F10: variants seen among roughly 807,000 people sequenced by gnomAD.
The protein encoded by F10 is coagulation factor X, also known as Stuart-Prower factor.
Under a neutral mutation model 37.1 loss-of-function variants are expected in F10, and 29 were observed. The observed-to-expected ratio is 0.78, with a 90% CI of 0.58 to 1.07. The LOEUF is 1.07. Among genes scored for constraint, F10 ranks in the 50% least tolerant of loss-of-function variants. The pLI, the probability that F10 is intolerant of heterozygous loss-of-function variation, is 0.00. For synonymous variants in F10, 262 were observed against 268.6 expected (o/e 0.98, Z 0.24); for missense variants, 539 against 667.9 (o/e 0.81, Z 2.13).
chr13:113,137,593 C>A (rs1432347004), intron 2 of F10, among the ~76,000 whole-genome samples: 1 of 152,160 alleles, frequency 6.6e-6, no homozygotes, highest in Non-Finnish European at 1.5e-5. Context: ...TTTATTGTCG[C>A]AGCTTTGGAG....
In F10 at chr13:113,147,492, G is replaced by A. The variant is rs774279259; in HGVS notation, c.861G>A (p.Arg287=). 6.2e-7 allele frequency: 1 copy of A among 1,608,730 alleles called. No individual in the cohort carries two copies. The highest frequency in any genetic ancestry group is 8.5e-7 in the Non-Finnish European group (1 of 1,175,048). ...CLYQAKRFKV[R]VGDRNTEQEE... ...ACCAAGCCAAGAGATTCAAGGTGAG[G>A]GTAGGTAAGTGACCAACAGCCCCCA... The change falls in exon 7 of 8, where the codon AGG becomes AGA. Residue 287 remains arginine, a synonymous_variant. Transcript: ENST00000375559.
At chr13:113,127,227 T>A (rs1006052075) in intron 1 of F10, among the ~76,000 whole-genome samples, 7 of 152,156 alleles carry the variant, frequency 4.6e-5, no homozygotes, top group Non-Finnish European at 1.0e-4. Flanking sequence ...GACTAAGGTG[T>A]TTTTGAAGCT....
At position 113,136,637 on chromosome 13, in the gene F10, T is replaced by TAGTAGAGATGGGG. The variant is rs1566918009; in HGVS notation, c.232-1820_232-1819insAGTAGAGATGGGG. On this transcript the variant is annotated intron_variant, in intron 2 of 7. Coordinates refer to ENST00000375559, the MANE Select transcript of F10 (RefSeq NM_000504.4). ...CATGGCAGGCTAATTCTTGTACTTT[T>TAGTAGAGATGGGG]TTTTTTTTTTTTTTTTTTTTTTTTT... is the stretch of plus-strand genomic sequence containing the variant. 5.9e-3 allele frequency among the ~76,000 whole-genome samples: 59 copies of TAGTAGAGATGGGG among 9,948 alleles called. 1 individual carries two copies. Among genetic ancestry groups the TAGTAGAGATGGGG allele is most frequent in the East Asian group, 0.016 (3 of 186 alleles). 6.5% of individuals were successfully genotyped at this position (9,948 alleles called of 152,430 possible).
chr13:113,133,386 T>C (rs557243108), intron 2 of F10, among the ~76,000 whole-genome samples: 1 of 152,334 alleles, frequency 6.6e-6, no homozygotes, highest in South Asian at 2.1e-4. Flanking sequence ...AAACTGTAGA[T>C]GTTAAATGTA....
Position 113,141,118 on chromosome 13 carries a change from CA to C in F10, c.502+69del, listed in dbSNP as rs1683245612. ...CGGGCCAGGGAGGACAAGCCCGTGC[CA>C]GGGGGTGGGGACACAGGCATGTTCT... On this transcript the variant is annotated intron_variant, in intron 5 of 7. Coordinates refer to ENST00000375559, the MANE Select transcript of F10 (RefSeq NM_000504.4). This position sits in a 1 kb window ranked among gnomAD's most constrained non-coding sequence, Gnocchi z 5.4. 1 of 1,601,928 alleles carries C rather than the reference CA, an allele frequency of 6.2e-7. No homozygotes were observed. The highest frequency in any genetic ancestry group is 8.5e-7 in the Non-Finnish European group (1 of 1,177,178).
At chr13:113,140,412 T>C (rs1303058446) in intron 4 of F10, 1 of 425,460 alleles carries the variant, frequency 2.4e-6, no homozygotes, top group Non-Finnish European at 4.8e-6. Flanking sequence ...GTTCTTAGAT[T>C]GGATTACTTT....
intron 2 of F10, among the ~76,000 whole-genome samples, chr13:113,134,516 C>A (rs1310690769): frequency 6.6e-6 from 1 of 152,130 alleles, no homozygotes; most frequent in Admixed American, 6.5e-5. Context: ...CTCATGAGAA[C>A]ATACTCCCAC....
intron 1 of F10, among the ~76,000 whole-genome samples, chr13:113,128,580 G>A (rs1460768885): frequency 6.6e-6 from 1 of 152,172 alleles, no homozygotes; most frequent in Admixed American, 6.5e-5. Flanking sequence ...TACACACATG[G>A]CCAGGCGCCT....
At chr13:113,145,871 G>A (rs758568267) in intron 6 of F10, among the ~76,000 whole-genome samples, 21 of 152,284 alleles carry the variant, frequency 1.4e-4, no homozygotes, top group Admixed American at 4.6e-4. Flanking sequence ...CACAACACAC[G>A]GGAAATATGG....
In F10 at chr13:113,149,105, C is replaced by T. The variant is rs1432387565; in HGVS notation, c.1055C>T (p.Thr352Met). 4.3e-6 allele frequency: 7 copies of T among 1,613,062 alleles called. No individual in the cohort carries two copies. Among genetic ancestry groups the T allele is most frequent in the South Asian group, 2.2e-5 (2 of 91,060 alleles). The change falls in exon 8 of 8, where the codon ACG becomes ATG. Residue 352 changes from threonine (T) to methionine (M), a missense_variant. Around this residue, in one of 2 missense-constraint regions of F10, gnomAD observed 409 missense variants for 547.9 expected, o/e 0.75. Coordinates refer to ENST00000375559, the MANE Select transcript of F10 (RefSeq NM_000504.4). The surrounding 1 kb of genome is among the most constrained non-coding windows in gnomAD (Gnocchi z 7.5). ...CLPERDWAES[T>M]LMTQKTGIVS... ...CCCGAGCGTGACTGGGCCGAGTCCA[C>T]GCTGATGACGCAGAAGACGGGGATT... is the stretch of plus-strand genomic sequence containing the variant.
Position 113,143,994 on chromosome 13 carries a change from G to C in F10, c.646G>C (p.Asp216His). 1.2e-6 allele frequency: 2 copies of C among 1,613,546 alleles called. No individual in the cohort carries two copies. Among genetic ancestry groups the C allele is most frequent in the Non-Finnish European group, 1.7e-6 (2 of 1,179,970 alleles). ...ADLDPTENPFDLLDFNQTQPE... is the reference protein window; with the variant it reads ...ADLDPTENPFHLLDFNQTQPE... ...CCTGGACCCCACCGAGAACCCCTTC[G>C]ACCTGCTTGACTTCAACCAGACGCA... Residue 216 changes from aspartate (D) to histidine (H), a missense_variant, in exon 6 of 8, where the codon GAC becomes CAC. Physicochemically the swap from Asp to His is moderately conservative, Grantham distance 81. Transcript: ENST00000375559. This position sits in a 1 kb window ranked among gnomAD's most constrained non-coding sequence, Gnocchi z 6.8.
chr13:113,143,346 C>T lies in F10; in HGVS notation c.503-505C>T, dbSNP rs570344211. ...CTGTGCCTCCAGTTGTTTGCGTGCG[C>T]CATTCCTTCTGCCTGAAAACTTTTT... On this transcript the variant is annotated intron_variant, in intron 5 of 7. Coordinates refer to ENST00000375559, the MANE Select transcript of F10 (RefSeq NM_000504.4). The surrounding 1 kb of genome is among the most constrained non-coding windows in gnomAD (Gnocchi z 6.8). Among the ~76,000 whole-genome samples the T allele has an allele frequency of 6.6e-6, 1 of 152,284 alleles. No homozygotes were observed. The highest frequency in any genetic ancestry group is 2.4e-5 in the African/African-American group (1 of 41,564).
At chr13:113,128,762 A>G (rs2036394675) in intron 1 of F10, 1 of 152,344 alleles carries the variant, frequency 6.6e-6, no homozygotes, top group Non-Finnish European at 1.5e-5. Flanking sequence ...CGGGAGGCTG[A>G]GACAGTAGAA....
In F10 at chr13:113,149,108, T is replaced by C; in HGVS notation, c.1058T>C (p.Leu353Pro). The C allele has an allele frequency of 6.2e-7, 1 of 1,612,818 alleles. No individual in the cohort carries two copies. The highest frequency in any genetic ancestry group is 8.5e-7 in the Non-Finnish European group (1 of 1,179,918). ...LPERDWAEST[L>P]MTQKTGIVSG... is the part of the protein sequence containing the mutation. Reference sequence around the variant, plus strand: ...GAGCGTGACTGGGCCGAGTCCACGCTGATGACGCAGAAGACGGGGATTGTG... The same window carrying C: ...GAGCGTGACTGGGCCGAGTCCACGCCGATGACGCAGAAGACGGGGATTGTG... Residue 353 changes from leucine (L) to proline (P), a missense_variant, in exon 8 of 8, where the codon CTG (leucine) becomes CCG (proline). By Grantham distance (98) the Leu-to-Pro change is moderately conservative. Coordinates refer to ENST00000375559, the MANE Select transcript of F10 (RefSeq NM_000504.4). This position sits in a 1 kb window ranked among gnomAD's most constrained non-coding sequence, Gnocchi z 7.5.
rs1308755585 is a variant in F10 at position 113,139,528 on chromosome 13, GGC to G, written c.370+60_370+61del. On this transcript the variant is annotated intron_variant, in intron 4 of 7. Coordinates refer to ENST00000375559, the MANE Select transcript of F10 (RefSeq NM_000504.4). This position sits in a 1 kb window ranked among gnomAD's most constrained non-coding sequence, Gnocchi z 5.2. ...AGATGCCCCTGAAGAGTGGCAGGTG[GGC>G]GGGGGAAGAAGTGAAAACGCCTAAT... The G allele has an allele frequency of 1.5e-6, 2 of 1,368,112 alleles. No homozygotes were observed. Among genetic ancestry groups the G allele is most frequent in the African/African-American group, 2.9e-5 (2 of 70,086 alleles). 84.7% of individuals were successfully genotyped at this position (1,368,112 alleles called of 1,614,324 possible). A position where few individuals can be genotyped will look rare whatever the true frequency, so the allele number is the denominator to read the frequency against.
At position 113,138,466 on chromosome 13, in the gene F10, T is replaced by C; in HGVS notation, c.241T>C (p.Trp81Arg). 7.3e-7 allele frequency: 1 copy of C among 1,363,426 alleles called. No individual in the cohort carries two copies. The highest frequency in any genetic ancestry group is 1.0e-6 in the Non-Finnish European group (1 of 958,112). The allele number at this position is 1,363,426 out of a possible 1,614,324, so 84.5% of individuals were successfully genotyped here. Residue 81 changes from tryptophan (W) to arginine (R), a missense_variant, in exon 3 of 8, where the codon TGG (tryptophan) becomes CGG (arginine). By Grantham distance (101) the Trp-to-Arg change is moderately radical (BLOSUM62 -3). Around this residue, in one of 2 missense-constraint regions of F10, gnomAD observed 130 missense variants for 120.0 expected, o/e 1.08. Transcript: ENST00000375559. ...FEDSDKTNEF[W>R]NKYKDGDQCE... ...TCTTTTTTCCTTTTAGAATGAATTC[T>C]GGAATAAATACAAAGGTCAGTATTT...
Position 113,128,997 on chromosome 13 carries a change from G to A in F10, c.71-455G>A, listed in dbSNP as rs1566915385. 1.4e-5 allele frequency: 3 copies of A among 207,190 alleles called. No homozygotes were observed. In the East Asian group the frequency reaches 3.7e-4, roughly 26 times the overall value. 12.8% of individuals were successfully genotyped at this position (207,190 alleles called of 1,614,324 possible). On this transcript the variant is annotated intron_variant, in intron 1 of 7. Transcript: ENST00000375559. ...TGGATTTCCCTGAGATAGCTTTGCA[G>A]GGCCATTTCAAAATATGTCAAACAA... is the stretch of plus-strand genomic sequence containing the variant.
rs538941335 is a variant in F10, at chr13:113,141,149, G to T, written c.502+99G>T. ...GTGGGGACACAGGCATGTTCTGGGC[G>T]GGCCTGGCAGGTAACAGTGACACCA... On this transcript the variant is annotated intron_variant, in intron 5 of 7. Transcript: ENST00000375559. This position sits in a 1 kb window ranked among gnomAD's most constrained non-coding sequence, Gnocchi z 5.4. 1 of 1,535,214 alleles carries T rather than the reference G, an allele frequency of 6.5e-7. No homozygotes were observed. The highest frequency in any genetic ancestry group is 8.8e-7 in the Non-Finnish European group (1 of 1,133,982).
rs1375882394 is a variant in F10, at chr13:113,144,175, T to C, written c.747+80T>C. 10 of 1,596,616 alleles carry C rather than the reference T, an allele frequency of 6.3e-6. No homozygotes were observed. In the Admixed American group the frequency reaches 1.7e-4, roughly 27 times the overall value. On this transcript the variant is annotated intron_variant, in intron 6 of 7. Coordinates refer to ENST00000375559, the MANE Select transcript of F10 (RefSeq NM_000504.4). The surrounding 1 kb of genome is among the most constrained non-coding windows in gnomAD (Gnocchi z 6.4). ...CACCTCGGGGAGGCCAGCCTGACAC[T>C]TGGAATAGCAATCCGGGAAGGAACT...
Sources: gnomAD v4.1 joint callset for allele counts (sites outside exome capture counted in the v4.1 genomes callset) on GRCh38, gnomAD v4.1.1 for gene constraint, gnomAD v4.1.1 regional missense constraint, Gnocchi (gnomAD v3.1) non-coding constraint, MANE v1.5 for transcripts, NCBI Gene and HGNC (gene_info 2026-07-23, HGNC 2026-07-21) for gene names.